The following SYNE2 variants were observed in gnomAD, a reference collection of about 807,000 sequenced individuals.
SYNE2 encodes the protein nesprin-2.
SYNE2 carries 431 observed loss-of-function variants against 856.3 expected under a neutral mutation model. The observed-to-expected ratio is 0.50, with a 90% confidence interval of 0.47 to 0.55. The LOEUF is 0.55. SYNE2 is among the 20% of genes least tolerant of loss of function. SYNE2 has a pLI of 0.00. For synonymous variants in SYNE2, 2,923 were observed against 2,872.3 expected (o/e 1.02, Z -0.56); for missense variants, 8,129 against 8,023.2 (o/e 1.01, Z -0.50).
chr14:64,105,593 A>G (rs916440180), intron 64 of SYNE2, among the ~76,000 whole-genome samples: 11 of 152,232 alleles, frequency 7.2e-5, no homozygotes, highest in Admixed American at 6.5e-4. Flanking sequence ...AAGTAGAGCA[A>G]TCAAGGTTGG....
intron 66 of SYNE2, among the ~76,000 whole-genome samples, chr14:64,114,148 A>G (rs2097835641): frequency 6.6e-6 from 1 of 152,208 alleles, no homozygotes; most frequent in Non-Finnish European, 1.5e-5. Flanking sequence ...TTTACTAGGA[A>G]TGCCCTGGGT....
intron 96 of SYNE2, among the ~76,000 whole-genome samples, chr14:64,178,147 T>C (rs1027981130): frequency 6.6e-6 from 1 of 152,158 alleles, no homozygotes. Context: ...CTTTCGGGGA[T>C]CAAATTGAAA....
chr14:63,766,562 C>T (rs371667021), intron 1 of SYNE2, among the ~76,000 whole-genome samples: 1 of 152,150 alleles, frequency 6.6e-6, no homozygotes, highest in Non-Finnish European at 1.5e-5. Context: ...TATCCAGTGG[C>T]AGGGAGCTGT....
At position 64,212,006 on chromosome 14, in the gene SYNE2, A is replaced by T; in HGVS notation, c.18769A>T (p.Ile6257Phe). The change falls in exon 104 of 116, where the codon ATT (isoleucine) becomes TTT (phenylalanine). Residue 6257 changes from isoleucine (I) to phenylalanine (F), a missense_variant. Physicochemically the swap from Ile to Phe is conservative, Grantham distance 21 (BLOSUM62 0). Transcript: ENST00000555002. ...REEFEGTRES[I>F]LVWLTEMDLQ... The stretch of plus-strand genomic sequence containing the variant: ...AGAATTTGAGGGCACCAGGGAGAGC[A>T]TTCTGGTGTGGCTCACAGAGATGGA... 6.2e-7 allele frequency: 1 copy of T among 1,614,200 alleles called. No homozygotes were observed. Among genetic ancestry groups the T allele is most frequent in the Non-Finnish European group, 8.5e-7 (1 of 1,180,032 alleles).
Position 64,002,757 on chromosome 14 carries a change from G to A in SYNE2, c.3824G>A (p.Cys1275Tyr), listed in dbSNP as rs1309435421. 2 of 1,613,508 alleles carry A rather than the reference G, an allele frequency of 1.2e-6. No individual in the cohort carries two copies. Among genetic ancestry groups the A allele is most frequent in the East Asian group, 2.2e-5 (1 of 44,878 alleles). Residue 1275 changes from cysteine to tyrosine, a missense_variant, in exon 30 of 116, where the codon TGT (cysteine) becomes TAT (tyrosine). Around this residue, in one of 3 missense-constraint regions of SYNE2, gnomAD observed 2,422 missense variants for 2,357.4 expected, o/e 1.03. Transcript: ENST00000555002. ...QDSIAKQIEI[C>Y]NRLEEPGNFV... Reference sequence around the variant, plus strand: ...TCCATAGCAAAACAGATTGAAATATGTAACCGCTTAGAAGAGCCAGGCAAC... The same window carrying A: ...TCCATAGCAAAACAGATTGAAATATATAACCGCTTAGAAGAGCCAGGCAAC...
At chr14:63,894,370 C>T (rs2095208506) in intron 1 of SYNE2, among the ~76,000 whole-genome samples, 1 of 152,054 alleles carries the variant, frequency 6.6e-6, no homozygotes, top group African/African-American at 2.4e-5. Flanking sequence ...GCATGCTCCA[C>T]CATGCCCTGC....
At chr14:64,042,914 G>C (rs1447367583) in intron 45 of SYNE2, among the ~76,000 whole-genome samples, 2 of 152,172 alleles carry the variant, frequency 1.3e-5, no homozygotes, top group Admixed American at 6.5e-5. Flanking sequence ...GTAGAGGTTG[G>C]AACAGTTTGG....
At chr14:63,771,034 A>T (rs1886879707) in intron 1 of SYNE2, among the ~76,000 whole-genome samples, 1 of 149,378 alleles carries the variant, frequency 6.7e-6, no homozygotes, top group Non-Finnish European at 1.5e-5. Flanking sequence ...GATGTTGGTG[A>T]GGAAATAGAG....
At chr14:63,950,584 T>A (rs2096137033) in intron 7 of SYNE2, among the ~76,000 whole-genome samples, 2 of 152,002 alleles carry the variant, frequency 1.3e-5, no homozygotes, top group African/African-American at 4.8e-5. Flanking sequence ...AAAACTTATC[T>A]CTTGAATATG....
chr14:63,790,680 GGTCA>G (rs937125415), intron 1 of SYNE2, among the ~76,000 whole-genome samples: 13 of 152,236 alleles, frequency 8.5e-5, no homozygotes, highest in African/African-American at 3.1e-4. Flanking sequence ...ATAAATGAAA[GGTCA>G]GTAGAAGGAT....
intron 46 of SYNE2, 84 bp downstream of exon 46, chr14:64,048,239 T>C: frequency 7.3e-7 from 1 of 1,373,710 alleles, no homozygotes; most frequent in Non-Finnish European, 1.0e-6. Flanking sequence ...AAAAACTTGC[T>C]TGTACAGAGT....
intron 99 of SYNE2, chr14:64,202,077 A>C (rs990541626): frequency 1.5e-6 from 1 of 658,568 alleles, no homozygotes; most frequent in African/African-American, 1.8e-5. Flanking sequence ...TGTGCTTTCA[A>C]ATCTGCTCCA....
intron 1 of SYNE2, among the ~76,000 whole-genome samples, chr14:63,818,577 C>G (rs1889095524): frequency 6.6e-6 from 1 of 151,694 alleles, no homozygotes. Context: ...TGGATTTTCT[C>G]AATGTGATAT....
At chr14:64,224,943 CATT>C in intron 114 of SYNE2, 53 bp from the exon 115 acceptor site, 1 of 1,476,230 alleles carries the variant, frequency 6.8e-7, no homozygotes, top group Admixed American at 1.8e-5. Context: ...TTTTTTTTAT[CATT>C]GATAGGACTA....
At chr14:64,118,255 C>T (rs1386312431) in intron 66 of SYNE2, among the ~76,000 whole-genome samples, 1 of 152,216 alleles carries the variant, frequency 6.6e-6, no homozygotes, top group African/African-American at 2.4e-5. Context: ...GCCCAGCCAG[C>T]TGGCATGACC....
At chr14:64,037,191 C>T (rs1215308901) in intron 45 of SYNE2, among the ~76,000 whole-genome samples, 4 of 148,410 alleles carry the variant, frequency 2.7e-5, no homozygotes, top group South Asian at 2.1e-4. Context: ...GGGGATTTGG[C>T]GGGGTCATAG....
chr14:63,882,981 A>T (rs2094899649), intron 1 of SYNE2, among the ~76,000 whole-genome samples: 1 of 135,938 alleles, frequency 7.4e-6, no homozygotes, highest in Non-Finnish European at 1.6e-5. Flanking sequence ...AGTGCATAGT[A>T]AGCACTCTGT....
intron 92 of SYNE2, 104 bp downstream of exon 92, chr14:64,167,743 A>C (rs2098388696): frequency 6.1e-6 from 9 of 1,485,514 alleles, no homozygotes; most frequent in Non-Finnish European, 8.4e-6. Flanking sequence ...CAGTCCCTAA[A>C]CACAGAATGT....
intron 2 of SYNE2, among the ~76,000 whole-genome samples, chr14:63,926,904 A>G (rs1050591721): frequency 4.6e-5 from 7 of 152,208 alleles, no homozygotes; most frequent in Non-Finnish European, 1.0e-4. Flanking sequence ...TCTGGATGCA[A>G]CACTTGAGCT....
Sources: gnomAD v4.1 joint callset for allele counts (sites outside exome capture counted in the v4.1 genomes callset) on GRCh38, gnomAD v4.1.1 for gene constraint, gnomAD v4.1.1 regional missense constraint, MANE v1.5 for transcripts, NCBI Gene and HGNC (gene_info 2026-07-23, HGNC 2026-07-21) for gene names.